CCDC34: variants seen among roughly 807,000 people sequenced by gnomAD.
CCDC34 encodes the protein coiled-coil domain containing 34.
A neutral mutation model predicts 44.1 loss-of-function variants in CCDC34; 40 were observed. That is an observed-to-expected ratio of 0.91 (90% CI 0.70 to 1.18). The LOEUF is 1.18. Among genes scored for constraint, CCDC34 ranks in the 50% most tolerant of loss-of-function variants. The probability of loss-of-function intolerance (pLI) is 0.00; values close to 1 mark genes in which losing one functional copy is unlikely to be tolerated. For synonymous variants in CCDC34, 159 were observed against 158.2 expected (o/e 1.01, Z -0.04); for missense variants, 466 against 452.3 (o/e 1.03, Z -0.28).
chr11:27,362,445 C>G (rs890974157), intron 1 of CCDC34, among the ~76,000 whole-genome samples: 1 of 152,216 alleles, frequency 6.6e-6, no homozygotes, highest in African/African-American at 2.4e-5. Context: ...TAACCAACCA[C>G]AGGTACTACT....
In CCDC34 at chr11:27,362,874, C is replaced by T; in HGVS notation, c.321G>A (p.Val107=). Residue 107 remains valine (V), a synonymous_variant, in exon 1 of 6, where the codon GTG becomes GTA. Transcript: ENST00000328697. ...GTAACTCCATTCCTCTCAGGCTCGCCACTTTGGCCTCTGAATCATGGGCAT... is the reference window on the plus strand; with the variant it reads ...GTAACTCCATTCCTCTCAGGCTCGCTACTTTGGCCTCTGAATCATGGGCAT... ...DEDAHDSEAK[V]ASLRGMELQG... is the part of the protein sequence containing the mutation. The T allele has an allele frequency of 1.2e-6, 2 of 1,614,132 alleles. No homozygotes were observed. The highest frequency in any genetic ancestry group is 1.7e-6 in the Non-Finnish European group (2 of 1,180,000).
chr11:27,349,081 A>G (rs761717912), intron 3 of CCDC34: 1 of 985,036 alleles, frequency 1.0e-6, no homozygotes, highest in Non-Finnish European at 1.2e-6. Context: ...ACAAACAACA[A>G]CTAGGTTTGA....
intron 1 of CCDC34, 139 bp from the exon 2 acceptor site, chr11:27,357,680 A>G: frequency 1.6e-6 from 1 of 631,280 alleles, no homozygotes; most frequent in Non-Finnish European, 2.5e-6. Context: ...CAGGAATTAT[A>G]CATAAGTATA....
At chr11:27,341,987 C>A (rs1862366806) in intron 3 of CCDC34, among the ~76,000 whole-genome samples, 1 of 152,064 alleles carries the variant, frequency 6.6e-6, no homozygotes, top group African/African-American at 2.4e-5. Context: ...AAAAGGAGTT[C>A]CCCTGCACAA....
chr11:27,361,880 G>A (rs907949315), intron 1 of CCDC34, among the ~76,000 whole-genome samples: 4 of 152,106 alleles, frequency 2.6e-5, no homozygotes, highest in African/African-American at 9.7e-5. Context: ...CGAAGAAAAC[G>A]TAATGAGTCT....
intron 3 of CCDC34, among the ~76,000 whole-genome samples, chr11:27,346,468 GAGGAAAGAAGGAAGGA>G (rs1277309377): frequency 1.1e-5 from 1 of 89,908 alleles, no homozygotes; most frequent in Non-Finnish European, 2.3e-5. Flanking sequence ...AGGGAAGACA[GAGGAAAGAAGGAAGGA>G]AGGAAGGAAG....
rs775253255 is a variant in CCDC34, at chr11:27,362,836, C to G, written c.359G>C (p.Ser120Thr). 1.2e-6 allele frequency: 2 copies of G among 1,612,586 alleles called. No individual in the cohort carries two copies. Among genetic ancestry groups the G allele is most frequent in the South Asian group, 1.1e-5 (1 of 90,964 alleles). ...LRGMELQGCA[S>T]TQVESENNQE... ...ATCGGCCGGGCGGCCTCGGGTTTAC[C>G]TGGCGCACCCCTGTAACTCCATTCC... Residue 120 changes from serine (S) to threonine (T), a missense_variant and splice_region_variant, in exon 1 of 6, where the codon AGC (serine) becomes ACC (threonine). Ser to Thr is a moderately conservative substitution (Grantham distance 58, BLOSUM62 1). Transcript: ENST00000328697.
intron 2 of CCDC34, among the ~76,000 whole-genome samples, chr11:27,354,201 AGAGTT>A (rs1359172726): frequency 2.0e-5 from 3 of 152,236 alleles, no homozygotes; most frequent in African/African-American, 7.2e-5. Flanking sequence ...GAATCACTTC[AGAGTT>A]GAGTAATAAA....
intron 1 of CCDC34, among the ~76,000 whole-genome samples, chr11:27,362,147 G>C (rs939466605): frequency 1.3e-5 from 2 of 152,214 alleles, no homozygotes; most frequent in African/African-American, 4.8e-5. Flanking sequence ...TGAGAGTAGA[G>C]ACCAGTATCT....
chr11:27,347,080 T>G (rs1435066756), intron 3 of CCDC34, among the ~76,000 whole-genome samples: 1 of 152,162 alleles, frequency 6.6e-6, no homozygotes, highest in Non-Finnish European at 1.5e-5. Flanking sequence ...ATGGAAGCTC[T>G]AGAAGACTAA....
In CCDC34 at chr11:27,338,687, C is replaced by G. The variant is rs1009606876; in HGVS notation, c.*134G>C. On this transcript the variant is annotated 3_prime_UTR_variant, in exon 6 of 6. Coordinates refer to ENST00000328697, the MANE Select transcript of CCDC34 (RefSeq NM_030771.2). ...AATATCTTCCTCAACTCTAAGGACTCCATATACAAATGCAAAAATTGCTAT... is the reference window on the plus strand; with the variant it reads ...AATATCTTCCTCAACTCTAAGGACTGCATATACAAATGCAAAAATTGCTAT... 2.7e-6 allele frequency: 2 copies of G among 728,896 alleles called. No homozygotes were observed. Among genetic ancestry groups the G allele is most frequent in the Non-Finnish European group, 4.5e-6 (2 of 441,168 alleles). 45.2% of individuals were successfully genotyped at this position (728,896 alleles called of 1,614,324 possible).
intron 3 of CCDC34, among the ~76,000 whole-genome samples, chr11:27,343,894 A>T (rs1306541471): frequency 6.6e-6 from 1 of 152,210 alleles, no homozygotes; most frequent in Non-Finnish European, 1.5e-5. Flanking sequence ...ATCATACAGA[A>T]ATCAAAATGG....
chr11:27,339,598 T>C (rs1862324857), intron 5 of CCDC34, among the ~76,000 whole-genome samples: 1 of 152,190 alleles, frequency 6.6e-6, no homozygotes, highest in Non-Finnish European at 1.5e-5. Context: ...TAAAGTATTG[T>C]GATGTCTGCC....
intron 3 of CCDC34, chr11:27,349,333 C>T: frequency 4.5e-6 from 4 of 897,790 alleles, no homozygotes; most frequent in Non-Finnish European, 5.3e-6. Context: ...AAGTAATTGA[C>T]TTCTAAACAA....
intron 2 of CCDC34, among the ~76,000 whole-genome samples, chr11:27,350,931 C>A (rs188546461): frequency 6.6e-6 from 1 of 152,140 alleles, no homozygotes; most frequent in Non-Finnish European, 1.5e-5. Flanking sequence ...GAAAAAAGAA[C>A]CCAGAGTTTT....
chr11:27,347,093 T>C (rs1268894759), intron 3 of CCDC34, among the ~76,000 whole-genome samples: 1 of 152,140 alleles, frequency 6.6e-6, no homozygotes, highest in Admixed American at 6.6e-5. Context: ...AAGACTAATA[T>C]AATAAGCTTA....
chr11:27,355,219 G>C (rs999452348), intron 2 of CCDC34, among the ~76,000 whole-genome samples: 1 of 152,078 alleles, frequency 6.6e-6, no homozygotes, highest in Non-Finnish European at 1.5e-5. Context: ...TTTCCGAATT[G>C]TAAGTTTAAA....
intron 2 of CCDC34, among the ~76,000 whole-genome samples, chr11:27,354,402 T>C (rs777037929): frequency 6.6e-6 from 1 of 152,176 alleles, no homozygotes; most frequent in Non-Finnish European, 1.5e-5. Flanking sequence ...ATAATAACTT[T>C]GAGTGCTTTG....
chr11:27,352,195 C>A (rs2133345808), intron 2 of CCDC34, among the ~76,000 whole-genome samples: 1 of 152,124 alleles, frequency 6.6e-6, no homozygotes, highest in East Asian at 1.9e-4. Flanking sequence ...CCAGCCTGGG[C>A]AAAATCGTAA....
Sources: gnomAD v4.1 joint callset for allele counts (sites outside exome capture counted in the v4.1 genomes callset) on GRCh38, gnomAD v4.1.1 for gene constraint, MANE v1.5 for transcripts, NCBI Gene and HGNC (gene_info 2026-07-23, HGNC 2026-07-21) for gene names.